GSK3B: variants seen among roughly 807,000 people sequenced by gnomAD.
The protein encoded by GSK3B is glycogen synthase kinase-3 beta.
In GSK3B, 15 loss-of-function variants were observed where a neutral mutation model predicts 56.4. That is an observed-to-expected ratio of 0.27 (90% confidence interval 0.18 to 0.41). The LOEUF is 0.41. Among genes scored for constraint, GSK3B ranks in the 10% least tolerant of loss-of-function variants. The probability of loss-of-function intolerance (pLI) is 1.00; values close to 1 mark genes in which losing one functional copy is unlikely to be tolerated. For synonymous variants in GSK3B, 181 were observed against 188.9 expected, an observed-to-expected ratio of 0.96 and a Z score of 0.34; for missense variants, 300 against 513.4, an observed-to-expected ratio of 0.58 and a Z score of 4.02.
intron 2 of GSK3B, among the ~76,000 whole-genome samples, chr3:119,972,518 C>G (rs900505295): frequency 2.6e-5 from 4 of 152,182 alleles, no homozygotes; most frequent in Admixed American, 2.6e-4. Context: ...TCACTGCAAG[C>G]TTCGCCTCCC....
intron 2 of GSK3B, among the ~76,000 whole-genome samples, chr3:119,978,982 C>T (rs918201299): frequency 6.6e-6 from 1 of 152,188 alleles, no homozygotes; most frequent in South Asian, 2.1e-4. Flanking sequence ...CAGACACCCT[C>T]GGCTTCTTCT....
chr3:120,076,683 G>A (rs2058369551), intron 1 of GSK3B, among the ~76,000 whole-genome samples: 1 of 151,210 alleles, frequency 6.6e-6, no homozygotes, highest in South Asian at 2.1e-4. Context: ...GCATGGTGGC[G>A]CACGCCTGTA....
At chr3:119,887,065 T>C (rs2056445082) in intron 7 of GSK3B, among the ~76,000 whole-genome samples, 1 of 152,098 alleles carries the variant, frequency 6.6e-6, no homozygotes, top group Non-Finnish European at 1.5e-5. Context: ...AACAGAAGAA[T>C]ACTATGAAGA....
rs192998773 is a variant in GSK3B, at chr3:119,877,642, C to G, written c.814-1134G>C. Among the ~76,000 whole-genome samples the G allele has an allele frequency of 1.1e-4, 16 of 152,204 alleles. No individual in the cohort carries two copies. In the East Asian group the frequency reaches 3.1e-3, roughly 29 times the overall value. On this transcript the variant is annotated intron_variant, in intron 7 of 10. Coordinates refer to ENST00000264235, the MANE Select transcript of GSK3B (RefSeq NM_001146156.2). ...GTCGTTGAATAGTGTCCCTTGTATA[C>G]AAGGAACTATGTTAGGACCTTTGGA...
chr3:119,928,612 T>TAAAAAAAAAAAAAAAAAAAAAA (rs1160252679), intron 3 of GSK3B, among the ~76,000 whole-genome samples: 1 of 67,036 alleles, frequency 1.5e-5, no homozygotes, highest in Non-Finnish European at 3.0e-5. Context: ...ATCAAAAAAA[T>TAAAAAAAAAAAAAAAAAAAAAA]AAAAAAAAAA....
Position 119,985,238 on chromosome 3 carries a change from T to G in GSK3B, c.282+16808A>C, listed in dbSNP as rs573244465. The stretch of plus-strand genomic sequence containing the variant: ...AACTCACAATCAATATCATACTGAA[T>G]GGGCAAAAACTGGAAGCATTCCCTT... On this transcript the variant is annotated intron_variant, in intron 2 of 10. Transcript: ENST00000264235. 2.6e-5 allele frequency among the ~76,000 whole-genome samples: 4 copies of G among 152,174 alleles called. No individual in the cohort carries two copies. In the South Asian group the frequency reaches 8.3e-4, roughly 32 times the overall value.
intron 9 of GSK3B, among the ~76,000 whole-genome samples, chr3:119,856,199 A>C (rs2056020651): frequency 1.3e-5 from 2 of 152,178 alleles, no homozygotes; most frequent in Non-Finnish European, 2.9e-5. Context: ...ATATGGGGAA[A>C]CTCAGGTAGG....
chr3:119,998,118 C>A (rs543698533), intron 2 of GSK3B, among the ~76,000 whole-genome samples: 8 of 152,184 alleles, frequency 5.3e-5, no homozygotes, highest in African/African-American at 2.4e-5. Context: ...TATTTTTTCT[C>A]ACTTTGAGAT....
chr3:119,939,346 T>A (rs955382759), intron 3 of GSK3B, among the ~76,000 whole-genome samples: 1 of 152,114 alleles, frequency 6.6e-6, no homozygotes, highest in African/African-American at 2.4e-5. Context: ...ACCTTGTATG[T>A]CATGCTAAGA....
chr3:120,000,918 CTTTTTTT>C (rs71156781), intron 2 of GSK3B, among the ~76,000 whole-genome samples: 4 of 91,056 alleles, frequency 4.4e-5, no homozygotes, highest in African/African-American at 8.6e-5. Flanking sequence ...ATGTAATCTC[CTTTTTTT>C]TTTTTTTTTT....
At chr3:119,870,917 T>C (rs879832169) in intron 8 of GSK3B, among the ~76,000 whole-genome samples, 5 of 152,070 alleles carry the variant, frequency 3.3e-5, no homozygotes, top group Non-Finnish European at 7.4e-5. Context: ...ATGAAATGAG[T>C]AATGCAGAGA....
chr3:119,965,239 T>C (rs2107509805), intron 2 of GSK3B, among the ~76,000 whole-genome samples: 1 of 151,106 alleles, frequency 6.6e-6, no homozygotes, highest in East Asian at 1.9e-4. Flanking sequence ...TTTTTTTTTT[T>C]TTTTAGTAGA....
intron 2 of GSK3B, among the ~76,000 whole-genome samples, chr3:119,963,895 G>C (rs74696298): frequency 0.018 from 2,756 of 152,192 alleles, 92 homozygotes; most frequent in African/African-American, 0.063. Context: ...TTAAACATAA[G>C]ATCTGAAAAC....
chr3:119,967,728 C>A (rs2057330294), intron 2 of GSK3B, among the ~76,000 whole-genome samples: 1 of 151,772 alleles, frequency 6.6e-6, no homozygotes, highest in Non-Finnish European at 1.5e-5. Flanking sequence ...CTTTTCTTTT[C>A]CTTTCTCCCG....
chr3:120,011,907 T>A (rs77703811), intron 1 of GSK3B, among the ~76,000 whole-genome samples: 9,161 of 152,238 alleles, frequency 0.06, 889 homozygotes, highest in African/African-American at 0.21. Context: ...ACTCATCGCA[T>A]GCCTCGTGCT....
At chr3:119,880,770 T>A (rs1004041052) in intron 7 of GSK3B, among the ~76,000 whole-genome samples, 1 of 152,214 alleles carries the variant, frequency 6.6e-6, no homozygotes, top group African/African-American at 2.4e-5. Flanking sequence ...TCTGGGGATA[T>A]GTGCATGTGT....
chr3:119,959,630 T>G (rs2057250855), intron 2 of GSK3B, among the ~76,000 whole-genome samples: 1 of 149,624 alleles, frequency 6.7e-6, no homozygotes, highest in African/African-American at 2.5e-5. Context: ...TTCTCCTGCC[T>G]CAGCCTCCTG....
intron 1 of GSK3B, among the ~76,000 whole-genome samples, chr3:120,031,400 C>T (rs2057974096): frequency 6.6e-6 from 1 of 152,118 alleles, no homozygotes; most frequent in South Asian, 2.1e-4. Flanking sequence ...ATAATACAAA[C>T]TTGAGTCTGG....
intron 1 of GSK3B, among the ~76,000 whole-genome samples, chr3:120,068,917 A>G (rs951500143): frequency 6.6e-6 from 1 of 152,096 alleles, no homozygotes; most frequent in Admixed American, 6.6e-5. Context: ...AGTATTCACT[A>G]TCTGTTTGGG....
Sources: gnomAD v4.1 joint callset for allele counts (sites outside exome capture counted in the v4.1 genomes callset) on GRCh38, gnomAD v4.1.1 for gene constraint, MANE v1.5 for transcripts, NCBI Gene and HGNC (gene_info 2026-07-23, HGNC 2026-07-21) for gene names.